STEAP3: variants seen among roughly 807,000 people sequenced by gnomAD.
STEAP3 encodes the protein STEAP3 metalloreductase, also known as metalloreductase STEAP3.
A neutral mutation model predicts 34.9 loss-of-function variants in STEAP3; 35 were observed. The ratio of observed to expected loss-of-function variants is 1.00; its 90% confidence interval spans 0.76 to 1.33. The LOEUF (loss-of-function observed/expected upper bound fraction) is 1.33. Ranked by LOEUF, STEAP3 falls within the 40% of genes most tolerant of loss-of-function variation. The probability of loss-of-function intolerance (pLI) is 0.00; values close to 1 mark genes in which losing one functional copy is unlikely to be tolerated. For missense variants in STEAP3, 652 were observed against 667.6 expected, an observed-to-expected ratio of 0.98 and a Z score of 0.26; for synonymous variants, 281 against 301.6, an observed-to-expected ratio of 0.93 and a Z score of 0.71.
chr2:119,253,468 GT>G (rs1016906100), intron 4 of STEAP3, among the ~76,000 whole-genome samples: 1,686 of 145,674 alleles, frequency 0.012, 34 homozygotes, highest in African/African-American at 0.038. Flanking sequence ...CTGAGCTCGT[GT>G]TTTTTTTTTT....
chr2:119,224,538 G>C (rs777614347), intron 1 of STEAP3, among the ~76,000 whole-genome samples: 4 of 152,214 alleles, frequency 2.6e-5, no homozygotes, highest in Non-Finnish European at 5.9e-5. Flanking sequence ...GGAGAGGTGT[G>C]GTTGGAACTT....
At position 119,263,892 on chromosome 2, in the gene STEAP3, G is replaced by T. The variant is rs893749971; in HGVS notation, c.*554G>T. 3.3e-5 allele frequency: 6 copies of T among 180,900 alleles called. No homozygotes were observed. The highest frequency in any genetic ancestry group is 1.4e-4 in the African/African-American group (6 of 41,872). 11.2% of individuals were successfully genotyped at this position (180,900 alleles called of 1,614,324 possible). ...CCCTCCACCTGGGGCAGCAGCAGGAGGCCTGGGGAGGAGGAAAATCAGGCA... is the reference window on the plus strand; with the variant it reads ...CCCTCCACCTGGGGCAGCAGCAGGATGCCTGGGGAGGAGGAAAATCAGGCA... On this transcript the variant is annotated 3_prime_UTR_variant, in exon 6 of 6. Transcript: ENST00000393110.
chr2:119,240,288 TTC>T (rs1677208766), intron 2 of STEAP3, among the ~76,000 whole-genome samples: 1 of 152,258 alleles, frequency 6.6e-6, no homozygotes, highest in South Asian at 2.1e-4. Flanking sequence ...CTGGGTTATT[TTC>T]TCTCTCTTTG....
At chr2:119,234,174 T>TC (rs1677023893) in intron 2 of STEAP3, among the ~76,000 whole-genome samples, 1 of 121,122 alleles carries the variant, frequency 8.3e-6, no homozygotes, top group Admixed American at 7.8e-5. Context: ...CTCTGCCCTT[T>TC]CCTAACCCCA....
At chr2:119,257,058 G>A (rs1049053543) in intron 5 of STEAP3, among the ~76,000 whole-genome samples, 1 of 152,098 alleles carries the variant, frequency 6.6e-6, no homozygotes, top group Non-Finnish European at 1.5e-5. Flanking sequence ...CCCAACCCTG[G>A]GCCTAAAAGT....
chr2:119,260,542 C>T (rs999964721), intron 5 of STEAP3, among the ~76,000 whole-genome samples: 7 of 152,126 alleles, frequency 4.6e-5, no homozygotes, highest in Admixed American at 1.3e-4. Context: ...GTGATCTGCC[C>T]GCCTCGGCCT....
intron 4 of STEAP3, 46 bp from the exon 5 acceptor site, chr2:119,254,638 C>T (rs1156577880): frequency 6.2e-7 from 1 of 1,608,500 alleles, no homozygotes; most frequent in Non-Finnish European, 8.5e-7. Context: ...TCCCGGGGCA[C>T]CAGCCTTTGC....
chr2:119,242,117 C>T (rs1414579167), intron 2 of STEAP3, among the ~76,000 whole-genome samples: 1 of 152,224 alleles, frequency 6.6e-6, no homozygotes, highest in Non-Finnish European at 1.5e-5. Context: ...CCGCTTCTCA[C>T]TCATCCTTAT....
chr2:119,256,896 A>G (rs1677790262), intron 5 of STEAP3, among the ~76,000 whole-genome samples: 1 of 152,230 alleles, frequency 6.6e-6, no homozygotes, highest in South Asian at 2.1e-4. Flanking sequence ...GGATTTTATG[A>G]GCCACAGTAA....
chr2:119,234,828 C>T (rs543136353), intron 2 of STEAP3, among the ~76,000 whole-genome samples: 103 of 152,344 alleles, frequency 6.8e-4, no homozygotes, highest in African/African-American at 2.4e-3. Context: ...CACCCGCCTC[C>T]GCTGCTTCAA....
At chr2:119,238,246 A>T (rs1446357309) in intron 2 of STEAP3, among the ~76,000 whole-genome samples, 2 of 152,234 alleles carry the variant, frequency 1.3e-5, no homozygotes, top group African/African-American at 4.8e-5. Context: ...CGGTGCCTGC[A>T]CCATTTTACA....
intron 4 of STEAP3, among the ~76,000 whole-genome samples, chr2:119,250,494 C>T (rs1316780729): frequency 6.6e-6 from 1 of 152,204 alleles, no homozygotes; most frequent in African/African-American, 2.4e-5. Flanking sequence ...CTACAAAGCA[C>T]CAGCCCCTTG....
At chr2:119,250,346 A>C (rs17013379) in intron 4 of STEAP3, among the ~76,000 whole-genome samples, 12,596 of 152,308 alleles carry the variant, frequency 0.083, 1,394 homozygotes, top group African/African-American at 0.25. Flanking sequence ...GCTCTCCAGC[A>C]TCGCTGACTG....
intron 5 of STEAP3, chr2:119,257,567 C>T (rs1472774096): frequency 4.5e-6 from 7 of 1,541,954 alleles, no homozygotes; most frequent in Non-Finnish European, 6.1e-6. Context: ...GTTTCCTAGG[C>T]CCTCGGAGCT....
chr2:119,242,510 C>G (rs1677278125), intron 2 of STEAP3, among the ~76,000 whole-genome samples: 1 of 152,202 alleles, frequency 6.6e-6, no homozygotes, highest in Non-Finnish European at 1.5e-5. Flanking sequence ...ATAACTGTCA[C>G]CCAGCTCTTC....
At chr2:119,255,654 T>C (rs1162189044) in intron 5 of STEAP3, among the ~76,000 whole-genome samples, 1 of 151,700 alleles carries the variant, frequency 6.6e-6, no homozygotes, top group Admixed American at 6.6e-5. Context: ...TAACAGAGGC[T>C]GAGGTGGGAG....
At chr2:119,233,467 C>A (rs1236364398) in intron 2 of STEAP3, among the ~76,000 whole-genome samples, 1 of 152,196 alleles carries the variant, frequency 6.6e-6, no homozygotes, top group Non-Finnish European at 1.5e-5. Flanking sequence ...ATTATTATTT[C>A]ATCACCACTG....
chr2:119,239,608 G>A (rs1250201923), intron 2 of STEAP3, among the ~76,000 whole-genome samples: 2 of 152,158 alleles, frequency 1.3e-5, no homozygotes, highest in African/African-American at 2.4e-5. Context: ...CTTGGGCCCC[G>A]TTTGCTCAAT....
Position 119,230,813 on chromosome 2 carries a change from C to A in STEAP3, c.-200C>A, listed in dbSNP as rs1197131628. The A allele has an allele frequency of 1.5e-6, 1 of 663,314 alleles. No homozygotes were observed. Among genetic ancestry groups the A allele is most frequent in the South Asian group, 1.7e-5 (1 of 57,480 alleles). The allele number at this position is 663,314 out of a possible 1,614,324, so 41.1% of individuals were successfully genotyped here. On this transcript the variant is annotated 5_prime_UTR_variant, in exon 2 of 6. Coordinates refer to ENST00000393110, the MANE Select transcript of STEAP3 (RefSeq NM_182915.3). ...CATCAGTCACCACTCCCGGTCCAGCCCCTGTGGCCAAGAGCTGGCGTGCAG... is the reference window on the plus strand; with the variant it reads ...CATCAGTCACCACTCCCGGTCCAGCACCTGTGGCCAAGAGCTGGCGTGCAG...
Sources: gnomAD v4.1 joint callset for allele counts (sites outside exome capture counted in the v4.1 genomes callset) on GRCh38, gnomAD v4.1.1 for gene constraint, MANE v1.5 for transcripts, NCBI Gene and HGNC (gene_info 2026-07-23, HGNC 2026-07-21) for gene names.